SNX6: variants seen among roughly 807,000 people sequenced by gnomAD.
The protein encoded by SNX6 is sorting nexin 6.
In SNX6, 34 loss-of-function variants were observed where a neutral mutation model predicts 63.0. That is an observed-to-expected ratio of 0.54 (90% CI 0.41 to 0.72). The LOEUF (loss-of-function observed/expected upper bound fraction) is 0.72. Ranked by LOEUF, SNX6 falls within the 30% of genes least tolerant of loss-of-function variation. The pLI is 0.00. For synonymous variants in SNX6, 170 were observed against 164.2 expected, an observed-to-expected ratio of 1.04 and a Z score of -0.27; for missense variants, 398 against 471.4, an observed-to-expected ratio of 0.84 and a Z score of 1.44.
chr14:34,568,925 C>T, intron 11 of SNX6: 1 of 1,307,164 alleles, frequency 7.7e-7, no homozygotes, highest in East Asian at 2.3e-5. Context: ...CCAGCGCCAC[C>T]CCAGAGGTAC....
chr14:34,563,181 A>T lies in SNX6; in HGVS notation c.1168-6T>A. ...TGCAGCAACTGTAGATTACCCTAAAAAAGGAAGAAAAAATAAATTACAAAT... is the reference window on the plus strand; with the variant it reads ...TGCAGCAACTGTAGATTACCCTAAATAAGGAAGAAAAAATAAATTACAAAT... On this transcript the variant is annotated splice_polypyrimidine_tract_variant and splice_region_variant and intron_variant, in intron 13 of 13. Coordinates refer to ENST00000362031, the MANE Select transcript of SNX6 (RefSeq NM_152233.4). The T allele has an allele frequency of 6.2e-7, 1 of 1,612,060 alleles. No homozygotes were observed. The highest frequency in any genetic ancestry group is 2.2e-5 in the East Asian group (1 of 44,878).
chr14:34,565,395 G>GA (rs1192114611), intron 13 of SNX6, among the ~76,000 whole-genome samples: 16 of 146,786 alleles, frequency 1.1e-4, no homozygotes, highest in South Asian at 2.1e-4. Context: ...CTACCTTAAA[G>GA]AAAAAAAAAA....
At chr14:34,610,307 A>T (rs1188528464) in intron 2 of SNX6, among the ~76,000 whole-genome samples, 1 of 146,898 alleles carries the variant, frequency 6.8e-6, no homozygotes, top group African/African-American at 2.5e-5. Context: ...GTAAGCAGTA[A>T]TCGTGCCACT....
intron 11 of SNX6, among the ~76,000 whole-genome samples, chr14:34,574,619 CAA>C (rs33959613): frequency 0.094 from 7,487 of 79,322 alleles, 247 homozygotes; most frequent in African/African-American, 0.22. Context: ...GACTCCATCT[CAA>C]AAAAAAAAAA....
At chr14:34,571,611 A>C (rs548017084) in intron 11 of SNX6, among the ~76,000 whole-genome samples, 10 of 152,186 alleles carry the variant, frequency 6.6e-5, no homozygotes, top group Admixed American at 5.9e-4. Context: ...ATTGGGAGAA[A>C]GGAGGATGAA....
Position 34,601,217 on chromosome 14 carries a change from T to C in SNX6, c.516+2131A>G, listed in dbSNP as rs558401879. On this transcript the variant is annotated intron_variant, in intron 6 of 13. Coordinates refer to ENST00000362031, the MANE Select transcript of SNX6 (RefSeq NM_152233.4). The stretch of plus-strand genomic sequence containing the variant: ...ACATTAGTCAATGTGATAACCCTAT[T>C]TCTTTTTTTTTTTTTTTTTTTTTTT... Among the ~76,000 whole-genome samples, 24 of 48,250 alleles carry C rather than the reference T, an allele frequency of 5.0e-4. 1 individual carries two copies. The Admixed American group carries it at 5.3e-3, about 11-fold the overall frequency. The allele number at this position is 48,250 out of a possible 152,430, so 31.7% of individuals were successfully genotyped here.
chr14:34,604,124 GTT>G, intron 5 of SNX6: 1 of 1,262,442 alleles, frequency 7.9e-7, no homozygotes. Flanking sequence ...AGAAGGATAA[GTT>G]TTACATACCA....
chr14:34,603,528 G>C (rs1386863404), intron 5 of SNX6, 57 bp from the exon 6 acceptor site: 1 of 1,436,486 alleles, frequency 7.0e-7, no homozygotes, highest in Non-Finnish European at 9.3e-7. Context: ...AAAGTCACCT[G>C]CAACAATTTT....
At chr14:34,607,971 A>C in intron 4 of SNX6, 59 bp downstream of exon 4, 1 of 860,630 alleles carries the variant, frequency 1.2e-6, no homozygotes, top group African/African-American at 1.7e-5. Flanking sequence ...ATTCCAAAAC[A>C]TAACGAAGTA....
At chr14:34,600,890 A>C (rs905960159) in intron 6 of SNX6, among the ~76,000 whole-genome samples, 1 of 152,004 alleles carries the variant, frequency 6.6e-6, no homozygotes, top group Non-Finnish European at 1.5e-5. Context: ...TATAAGAATT[A>C]GCCAGGTATG....
chr14:34,577,106 C>T (rs951153430), intron 10 of SNX6, among the ~76,000 whole-genome samples: 18 of 151,948 alleles, frequency 1.2e-4, no homozygotes, highest in Admixed American at 5.3e-4. Flanking sequence ...CTTTTCCAGA[C>T]GAAGTCTTGC....
At chr14:34,611,536 C>T (rs1237221848) in intron 2 of SNX6, among the ~76,000 whole-genome samples, 1 of 151,090 alleles carries the variant, frequency 6.6e-6, no homozygotes, top group African/African-American at 2.4e-5. Flanking sequence ...ATAATCCCAG[C>T]ACTTTGGCAG....
chr14:34,611,697 CAG>C (rs1883234764), intron 2 of SNX6, among the ~76,000 whole-genome samples: 2 of 136,396 alleles, frequency 1.5e-5, no homozygotes, highest in Admixed American at 1.7e-4. Context: ...TTGCGCTGAG[CAG>C]AGATTGTGCC....
intron 11 of SNX6, chr14:34,568,724 C>T (rs562939369): frequency 3.3e-5 from 29 of 885,600 alleles, no homozygotes; most frequent in African/African-American, 9.9e-5. Context: ...ACCTGTCCAG[C>T]GATTCTGTCC....
At chr14:34,607,452 C>CA (rs1400104807) in intron 4 of SNX6, among the ~76,000 whole-genome samples, 2 of 151,098 alleles carry the variant, frequency 1.3e-5, no homozygotes, top group Non-Finnish European at 2.9e-5. Context: ...ACTTAAAAAA[C>CA]AAAAAAAATT....
chr14:34,589,679 T>A (rs1184389755), intron 8 of SNX6, among the ~76,000 whole-genome samples: 2 of 151,392 alleles, frequency 1.3e-5, no homozygotes, highest in African/African-American at 4.9e-5. Context: ...ATACAAAAGA[T>A]AGCCAGGCAT....
intron 2 of SNX6, among the ~76,000 whole-genome samples, chr14:34,614,292 A>G (rs1050249888): frequency 1.3e-5 from 2 of 151,778 alleles, no homozygotes; most frequent in Non-Finnish European, 1.5e-5. Flanking sequence ...AACCAAAACA[A>G]AAATTAGCCC....
chr14:34,567,870 A>T lies in SNX6; in HGVS notation c.1065T>A (p.Ser355=), dbSNP rs768777521. 8.1e-6 allele frequency: 13 copies of T among 1,613,970 alleles called. No individual in the cohort carries two copies. In the East Asian group the frequency reaches 2.9e-4, roughly 36 times the overall value. The change falls in exon 12 of 14, where the codon TCT becomes TCA. Residue 355 remains serine (S), a synonymous_variant. Transcript: ENST00000362031. ...TAACAGTACCTTGTTTTGCAGACTC[A>T]GATATTTTTTCAAATTTCTGACAAC... The part of the protein sequence containing the change: ...QLCCQKFEKI[S]ESAKQELIDF...
At chr14:34,617,645 G>C (rs951024070) in intron 2 of SNX6, among the ~76,000 whole-genome samples, 4 of 149,576 alleles carry the variant, frequency 2.7e-5, no homozygotes, top group African/African-American at 9.8e-5. Flanking sequence ...ACTTGGACCA[G>C]GCGCGGTGGC....
Sources: gnomAD v4.1 joint callset for allele counts (sites outside exome capture counted in the v4.1 genomes callset) on GRCh38, gnomAD v4.1.1 for gene constraint, MANE v1.5 for transcripts, NCBI Gene and HGNC (gene_info 2026-07-23, HGNC 2026-07-21) for gene names.